PEX11B: variants seen among roughly 807,000 people sequenced by gnomAD.
PEX11B encodes the protein peroxisomal membrane protein 11B.
PEX11B carries 18 observed loss-of-function variants against 28.2 expected under a neutral mutation model. The ratio of observed to expected loss-of-function variants is 0.64; its 90% CI spans 0.44 to 0.95. The LOEUF is 0.95. Ranked by LOEUF, PEX11B falls within the 40% of genes least tolerant of loss-of-function variation. The pLI is 0.00. For synonymous variants in PEX11B, 128 were observed against 128.7 expected (o/e 0.99, Z 0.04); for missense variants, 305 against 319.8 (o/e 0.95, Z 0.35).
At chr1:145,912,773 C>CACACAAAGACAA (rs1657867065) in intron 3 of PEX11B, among the ~76,000 whole-genome samples, 1 of 152,130 alleles carries the variant, frequency 6.6e-6, no homozygotes, top group South Asian at 2.1e-4. Flanking sequence ...ACAAATACTG[C>CACACAAAGACAA]ATAATCTCAC....
chr1:145,917,781 G>A lies in PEX11B; in HGVS notation c.92C>T (p.Ala31Val), dbSNP rs782229863. 4.3e-6 allele frequency: 7 copies of A among 1,613,368 alleles called. No individual in the cohort carries two copies. The highest frequency in any genetic ancestry group is 2.2e-5 in the East Asian group (1 of 44,890). ...AQYACSLLGH[A>V]LQRHGASPEL... ...AGGACTGGCTCCATGCCTCTGCAGC[G>A]CATGGCCAAGAAGAGAGCAAGCATA... The change falls in exon 2 of 4, where the codon GCG becomes GTG. Residue 31 changes from alanine to valine, a missense_variant. Coordinates refer to ENST00000369306, the MANE Select transcript of PEX11B (RefSeq NM_003846.3).
rs1657846029 is a variant in PEX11B at position 145,912,390 on chromosome 1, G to A, written c.551C>T (p.Pro184Leu). 1.9e-6 allele frequency: 3 copies of A among 1,609,450 alleles called. No individual in the cohort carries two copies. Among genetic ancestry groups the A allele is most frequent in the Non-Finnish European group, 2.5e-6 (3 of 1,177,468 alleles). The change falls in exon 4 of 4, where the codon CCC (proline) becomes CTC (leucine). Residue 184 changes from proline (P) to leucine (L), a missense_variant. Pro to Leu is a moderately conservative substitution (Grantham distance 98). Coordinates refer to ENST00000369306, the MANE Select transcript of PEX11B (RefSeq NM_003846.3). The stretch of plus-strand genomic sequence containing the variant: ...CAGCCGAAGTTTCAGAGCCAGTTGG[G>A]GCAGACCTCCTCCTGGAGTCCCTGG... ...GGPGTPGGGLPQLALKLRLQV... is the reference protein window; with the variant it reads ...GGPGTPGGGLLQLALKLRLQV...
intron 3 of PEX11B, among the ~76,000 whole-genome samples, chr1:145,914,946 C>T (rs587699199): frequency 2.6e-4 from 39 of 152,254 alleles, no homozygotes; most frequent in Non-Finnish European, 2.6e-4. Context: ...TGTTGTTGCC[C>T]AGGCTAGAGT....
At chr1:145,917,567 G>A (rs1431147861) in intron 2 of PEX11B, 134 bp downstream of exon 2, 1 of 650,644 alleles carries the variant, frequency 1.5e-6, no homozygotes, top group Non-Finnish European at 2.8e-6. Flanking sequence ...TATCTCAACT[G>A]GACTCATGCA....
chr1:145,912,709 A>G (rs1657863353), intron 3 of PEX11B, 143 bp from the exon 4 acceptor site: 1 of 541,854 alleles, frequency 1.8e-6, no homozygotes, highest in African/African-American at 1.9e-5. Flanking sequence ...CCCCTATTAG[A>G]AATGTCCTCC....
In PEX11B at chr1:145,916,915, AT is replaced by A. The variant is rs1553753994; in HGVS notation, c.275del (p.Asn92IlefsTer42). On this transcript the variant is annotated frameshift_variant, in exon 3 of 4. Transcript: ENST00000369306. LOFTEE classifies it high-confidence loss of function. ...LRFCITVSHL[N>X]RALYFACDNV... ...TGTCACAGGCGAAGTACAAGGCTCG[AT>A]TGAGGTGACTAACAGTGATGCAGAA... 1 of 1,613,982 alleles carries A rather than the reference AT, an allele frequency of 6.2e-7. No individual in the cohort carries two copies. Among genetic ancestry groups the A allele is most frequent in the African/African-American group, 1.3e-5 (1 of 75,046 alleles).
intron 1 of PEX11B, 120 bp downstream of exon 1, chr1:145,918,513 C>A (rs1647549726): frequency 6.5e-7 from 1 of 1,539,140 alleles, no homozygotes; most frequent in Non-Finnish European, 8.7e-7. Flanking sequence ...TCCGTTCGGG[C>A]CCCCGTAGCC....
rs1570935209 is a variant in PEX11B, at chr1:145,916,802, A to G, written c.374+15T>C. 3 of 1,598,896 alleles carry G rather than the reference A, an allele frequency of 1.9e-6. No individual in the cohort carries two copies. Among genetic ancestry groups the G allele is most frequent in the African/African-American group, 1.3e-5 (1 of 74,688 alleles). On this transcript the variant is annotated intron_variant, in intron 3 of 3. Transcript: ENST00000369306. ...GCTACAAAAAAAAATCTTAAAGGAG[A>G]ACAGGATATCAAACCTGAATGAACG...
chr1:145,912,149 T>C lies in PEX11B; in HGVS notation c.*12A>G. The C allele has an allele frequency of 6.4e-7, 1 of 1,572,838 alleles. No individual in the cohort carries two copies. Among genetic ancestry groups the C allele is most frequent in the Non-Finnish European group, 8.6e-7 (1 of 1,158,320 alleles). On this transcript the variant is annotated 3_prime_UTR_variant, in exon 4 of 4. Transcript: ENST00000369306. ...ACCAATTCAGGTCCCCTCCTTATCCTGTACCGGAAGGTCAGGGCTTGAGTC... is the reference window on the plus strand; with the variant it reads ...ACCAATTCAGGTCCCCTCCTTATCCCGTACCGGAAGGTCAGGGCTTGAGTC...
In PEX11B at chr1:145,917,730, A is replaced by G; in HGVS notation, c.143T>C (p.Leu48Pro). The part of the protein sequence containing the change: ...SPELQKQIRQ[L>P]ESHLSLGRKL... ...TCTTCCAAGGCTCAGGTGGCTCTCC[A>G]GTTGTCGAATCTGTTTCTGTAACTC... The change falls in exon 2 of 4, where the codon CTG (leucine) becomes CCG (proline). Residue 48 changes from leucine to proline, a missense_variant. Leu to Pro is a moderately conservative substitution (Grantham distance 98). Coordinates refer to ENST00000369306, the MANE Select transcript of PEX11B (RefSeq NM_003846.3). 9 of 1,609,684 alleles carry G rather than the reference A, an allele frequency of 5.6e-6. No individual in the cohort carries two copies. The highest frequency in any genetic ancestry group is 6.8e-6 in the Non-Finnish European group (8 of 1,175,860).
At chr1:145,912,591 G>A (rs782189040) in intron 3 of PEX11B, 25 bp from the exon 4 acceptor site, 3 of 1,430,986 alleles carry the variant, frequency 2.1e-6, no homozygotes, top group Non-Finnish European at 2.8e-6. Context: ...AAAAGGGTCA[G>A]TAAGGGCATG....
chr1:145,912,234 C>T lies in PEX11B; in HGVS notation c.707G>A (p.Gly236Glu), dbSNP rs782513630. Reference sequence around the variant, plus strand: ...GATGGAGGACACGAGGCCACAAAGCCCCACAATCCCAGGGCCACAGCGCCA... The same window carrying T: ...GATGGAGGACACGAGGCCACAAAGCTCCACAATCCCAGGGCCACAGCGCCA... ...GLWRCGPGIV[G>E]LCGLVSSILS... Residue 236 changes from glycine (G) to glutamate (E), a missense_variant, in exon 4 of 4, where the codon GGG becomes GAG. Gly to Glu is a moderately conservative substitution (Grantham distance 98, BLOSUM62 -2). Coordinates refer to ENST00000369306, the MANE Select transcript of PEX11B (RefSeq NM_003846.3). 6.2e-7 allele frequency: 1 copy of T among 1,613,996 alleles called. No homozygotes were observed. The highest frequency in any genetic ancestry group is 1.1e-5 in the South Asian group (1 of 91,068).
intron 3 of PEX11B, among the ~76,000 whole-genome samples, chr1:145,913,240 T>C (rs928819971): frequency 1.3e-5 from 2 of 152,108 alleles, no homozygotes; most frequent in Non-Finnish European, 2.9e-5. Flanking sequence ...ATGTACTACA[T>C]TGTGACTATA....
intron 3 of PEX11B, among the ~76,000 whole-genome samples, chr1:145,915,122 C>A (rs1647303092): frequency 6.6e-6 from 1 of 152,090 alleles, no homozygotes; most frequent in Non-Finnish European, 1.5e-5. Flanking sequence ...AGGCTGGTCT[C>A]AAAACTCCTG....
At chr1:145,915,729 G>C (rs1352239992) in intron 3 of PEX11B, among the ~76,000 whole-genome samples, 1 of 151,532 alleles carries the variant, frequency 6.6e-6, no homozygotes, top group African/African-American at 2.4e-5. Flanking sequence ...TGCCTCCCGG[G>C]TTCAAGCGAG....
At chr1:145,914,884 G>C (rs1202725061) in intron 3 of PEX11B, among the ~76,000 whole-genome samples, 2 of 152,104 alleles carry the variant, frequency 1.3e-5, no homozygotes, top group Non-Finnish European at 2.9e-5. Flanking sequence ...GTAAGTTCCA[G>C]AGGAGCAGAG....
In PEX11B at chr1:145,912,208, G is replaced by A; in HGVS notation, c.733C>T (p.Leu245=). Residue 245 remains leucine, a synonymous_variant, in exon 4 of 4, where the codon CTG becomes TTG. Transcript: ENST00000369306. ...VGLCGLVSSI[L]SILTLIYPWL... ...GGATAGATTAGGGTGAGAATAGACA[G>A]GATGGAGGACACGAGGCCACAAAGC... The A allele has an allele frequency of 6.2e-7, 1 of 1,613,798 alleles. No individual in the cohort carries two copies. The highest frequency in any genetic ancestry group is 1.1e-5 in the South Asian group (1 of 91,032).
Position 145,912,397 on chromosome 1 carries a change from C to T in PEX11B, c.544G>A (p.Gly182Ser), listed in dbSNP as rs1559221717. ...AGTTTCAGAGCCAGTTGGGGCAGACCTCCTCCTGGAGTCCCTGGTCCCCCA... is the reference window on the plus strand; with the variant it reads ...AGTTTCAGAGCCAGTTGGGGCAGACTTCCTCCTGGAGTCCCTGGTCCCCCA... ...GLGGPGTPGG[G>S]LPQLALKLRL... Residue 182 changes from glycine to serine, a missense_variant, in exon 4 of 4, where the codon GGT becomes AGT. Transcript: ENST00000369306. 6.2e-7 allele frequency: 1 copy of T among 1,607,110 alleles called. No individual in the cohort carries two copies. The highest frequency in any genetic ancestry group is 1.3e-5 in the African/African-American group (1 of 74,752).
chr1:145,918,390 A>C (rs1647537970), intron 1 of PEX11B: 4 of 1,535,682 alleles, frequency 2.6e-6, no homozygotes, highest in Non-Finnish European at 3.5e-6. Flanking sequence ...TCTTATGTGG[A>C]CACAGCAACC....
Sources: allele counts gnomAD v4.1 joint callset (sites outside exome capture counted in the v4.1 genomes callset), GRCh38; gene constraint gnomAD v4.1.1; transcripts MANE v1.5; gene names NCBI Gene and HGNC (gene_info 2026-07-23, HGNC 2026-07-21).